SDK1: variants seen among roughly 807,000 people sequenced by gnomAD.
The protein encoded by SDK1 is sidekick cell adhesion molecule 1, also known as protein sidekick-1.
In SDK1, 157 loss-of-function variants were observed where a neutral mutation model predicts 245.5. The ratio of observed to expected loss-of-function variants is 0.64; its 90% CI spans 0.56 to 0.73. SDK1 has a LOEUF of 0.73. Ranked by LOEUF, SDK1 falls within the 30% of genes least tolerant of loss-of-function variation. The probability of loss-of-function intolerance (pLI) is 0.00; values close to 1 mark genes in which losing one functional copy is unlikely to be tolerated. For missense variants in SDK1, 3,583 were observed against 3,002.3 expected, an observed-to-expected ratio of 1.19 and a Z score of -4.52; for synonymous variants, 1,647 against 1,278.5, an observed-to-expected ratio of 1.29 and a Z score of -6.15.
intron 4 of SDK1, among the ~76,000 whole-genome samples, chr7:3,652,936 G>A (rs984870239): frequency 6.6e-5 from 10 of 152,200 alleles, no homozygotes; most frequent in Non-Finnish European, 1.5e-4. Flanking sequence ...GAAGACTGCA[G>A]GAGTCTATTG....
rs529368538 is a variant in SDK1, at chr7:3,862,486, AC to A, written c.847+40904del. 2.7e-3 allele frequency among the ~76,000 whole-genome samples: 410 copies of A among 152,298 alleles called. 2 individuals are homozygous for A. Among genetic ancestry groups the A allele is most frequent in the African/African-American group, 9.6e-3 (398 of 41,570 alleles). On this transcript the variant is annotated intron_variant, in intron 5 of 44. Coordinates refer to ENST00000404826, the MANE Select transcript of SDK1 (RefSeq NM_152744.4). The stretch of plus-strand genomic sequence containing the variant: ...GTTAATGCATAACATAACTAGGATA[AC>A]TTTTGTAACTTTGTCAGACTTTAAT...
intron 1 of SDK1, among the ~76,000 whole-genome samples, chr7:3,577,978 A>G (rs1030457718): frequency 6.6e-6 from 1 of 151,994 alleles, no homozygotes; most frequent in African/African-American, 2.4e-5. Flanking sequence ...GACTAGTGAA[A>G]TTTATTCTTT....
chr7:3,405,902 T>C (rs1241456324), intron 1 of SDK1, among the ~76,000 whole-genome samples: 2 of 148,296 alleles, frequency 1.3e-5, no homozygotes, highest in Admixed American at 1.4e-4. Flanking sequence ...AACCTCTGCC[T>C]CCCAGGTTCA....
chr7:3,542,386 T>C (rs1176154390), intron 1 of SDK1, among the ~76,000 whole-genome samples: 1 of 152,210 alleles, frequency 6.6e-6, no homozygotes, highest in African/African-American at 2.4e-5. Context: ...ATTTGGGGCA[T>C]GACCCTTTGC....
intron 24 of SDK1, 29 bp from the exon 25 acceptor site, chr7:4,114,008 G>C (rs541338372): frequency 1.7e-5 from 27 of 1,590,182 alleles, no homozygotes; most frequent in African/African-American, 1.3e-4. Flanking sequence ...TGAGATGTCA[G>C]CTCATCGCGA....
chr7:3,377,893 G>A (rs1781393988), intron 1 of SDK1, among the ~76,000 whole-genome samples: 2 of 151,828 alleles, frequency 1.3e-5, no homozygotes, highest in Non-Finnish European at 1.5e-5. Flanking sequence ...ATTCTCCTGC[G>A]TCAGCCTCCC....
chr7:3,583,276 G>A (rs1266964000), intron 1 of SDK1, among the ~76,000 whole-genome samples: 2 of 152,228 alleles, frequency 1.3e-5, no homozygotes, highest in Non-Finnish European at 2.9e-5. Context: ...ATCTTTCCGG[G>A]AGTAAACTGC....
intron 4 of SDK1, among the ~76,000 whole-genome samples, chr7:3,686,396 A>G (rs912166789): frequency 1.3e-5 from 2 of 152,162 alleles, no homozygotes; most frequent in Non-Finnish European, 2.9e-5. Context: ...TTACTTTTTT[A>G]AAAATGCAGG....
At chr7:4,145,162 G>T (rs1227363398) in intron 28 of SDK1, among the ~76,000 whole-genome samples, 1 of 152,204 alleles carries the variant, frequency 6.6e-6, no homozygotes, top group Non-Finnish European at 1.5e-5. Context: ...AGCTGCTCGG[G>T]AGGGGTGGGG....
chr7:3,688,576 C>G (rs1432177509), intron 4 of SDK1, among the ~76,000 whole-genome samples: 1 of 152,198 alleles, frequency 6.6e-6, no homozygotes, highest in Admixed American at 6.5e-5. Flanking sequence ...CAGAGGAATC[C>G]AGAGACAAAT....
chr7:3,800,362 C>CTTATTTATTTAT (rs201361414), intron 4 of SDK1, among the ~76,000 whole-genome samples: 162 of 141,660 alleles, frequency 1.1e-3, no homozygotes, highest in African/African-American at 3.5e-3. Context: ...TACTTACTTA[C>CTTATTTATTTAT]TTACTTACTT....
chr7:3,618,847 G>C (rs975841711), intron 1 of SDK1, among the ~76,000 whole-genome samples: 1 of 152,174 alleles, frequency 6.6e-6, no homozygotes, highest in Admixed American at 6.5e-5. Flanking sequence ...GGATGAACCT[G>C]TCAGATGCTT....
At chr7:3,874,781 C>T (rs190984069) in intron 5 of SDK1, among the ~76,000 whole-genome samples, 66 of 152,292 alleles carry the variant, frequency 4.3e-4, no homozygotes, top group Non-Finnish European at 7.8e-4. Context: ...CAGTAAGATT[C>T]TAGCAGTGCC....
At chr7:3,616,897 A>C (rs1781789042) in intron 1 of SDK1, among the ~76,000 whole-genome samples, 1 of 152,220 alleles carries the variant, frequency 6.6e-6, no homozygotes. Context: ...AAAAATTTAA[A>C]GTTGAGTATG....
chr7:3,973,075 A>G (rs1782616734), intron 12 of SDK1, among the ~76,000 whole-genome samples: 2 of 152,060 alleles, frequency 1.3e-5, no homozygotes, highest in South Asian at 4.2e-4. Context: ...AGCTTGTTAT[A>G]TGTGATTAAA....
At chr7:3,893,770 C>A (rs950492622) in intron 5 of SDK1, among the ~76,000 whole-genome samples, 7 of 151,768 alleles carry the variant, frequency 4.6e-5, no homozygotes, top group East Asian at 1.9e-4. Context: ...CCACATCTTA[C>A]CCTGCCTTCT....
chr7:4,139,182 C>G (rs1425549530), intron 28 of SDK1, among the ~76,000 whole-genome samples: 1 of 74,204 alleles, frequency 1.3e-5, no homozygotes, highest in Non-Finnish European at 3.1e-5. Context: ...ACTTCTCTAC[C>G]CACCCCCCAT....
At chr7:3,670,735 T>A (rs1783674663) in intron 4 of SDK1, among the ~76,000 whole-genome samples, 1 of 152,194 alleles carries the variant, frequency 6.6e-6, no homozygotes. Flanking sequence ...AGTACTGACT[T>A]ATCCTTCTGC....
At chr7:4,248,927 A>G (rs1293272790) in intron 44 of SDK1, among the ~76,000 whole-genome samples, 1 of 147,788 alleles carries the variant, frequency 6.8e-6, no homozygotes. Flanking sequence ...ACATACACAT[A>G]TGTACATACA....
Sources: allele counts gnomAD v4.1 joint callset (sites outside exome capture counted in the v4.1 genomes callset), GRCh38; gene constraint gnomAD v4.1.1; transcripts MANE v1.5; gene names NCBI Gene and HGNC (gene_info 2026-07-23, HGNC 2026-07-21).